Variants in RAD54B observed in about 807,000 individuals in gnomAD.
RAD54B encodes DNA repair and recombination protein RAD54B.
A neutral mutation model predicts 95.8 loss-of-function variants in RAD54B; 78 were observed. The observed-to-expected ratio is 0.81, with a 90% CI of 0.68 to 0.98. The LOEUF (loss-of-function observed/expected upper bound fraction) is 0.98, where lower values mean the gene tolerates loss of function less well. RAD54B is among the 50% of genes least tolerant of loss of function. The probability of loss-of-function intolerance (pLI) is 0.00; values close to 1 mark genes in which losing one functional copy is unlikely to be tolerated. For missense variants in RAD54B, 957 were observed against 1,056.6 expected (o/e 0.91, Z 1.31); for synonymous variants, 328 against 354.9 (o/e 0.92, Z 0.85).
At chr8:94,449,409 A>G (rs1268419258) in intron 3 of RAD54B, among the ~76,000 whole-genome samples, 1 of 152,018 alleles carries the variant, frequency 6.6e-6, no homozygotes, top group East Asian at 1.9e-4. Context: ...GGAGTTCAAG[A>G]CCAGCTGGCC....
At chr8:94,397,630 T>C (rs1811179012) in intron 8 of RAD54B, among the ~76,000 whole-genome samples, 1 of 152,164 alleles carries the variant, frequency 6.6e-6, no homozygotes, top group African/African-American at 2.4e-5. Flanking sequence ...TAAAATTATA[T>C]ATTTTTGCTA....
chr8:94,461,250 G>A (rs1812896299), intron 2 of RAD54B, among the ~76,000 whole-genome samples: 1 of 125,522 alleles, frequency 8.0e-6, no homozygotes, highest in Non-Finnish European at 1.5e-5. Flanking sequence ...TCGGCTCACT[G>A]CAACCTCCGC....
intron 4 of RAD54B, among the ~76,000 whole-genome samples, chr8:94,410,047 T>C (rs539173941): frequency 6.6e-6 from 1 of 152,344 alleles, no homozygotes; most frequent in South Asian, 2.1e-4. Context: ...TTAGTTTGCT[T>C]CAACTCTTAA....
chr8:94,449,688 G>A (rs1812610387), intron 3 of RAD54B, among the ~76,000 whole-genome samples: 1 of 151,970 alleles, frequency 6.6e-6, no homozygotes, highest in African/African-American at 2.4e-5. Context: ...AATAGCCCTG[G>A]ATAACACCTC....
intron 3 of RAD54B, among the ~76,000 whole-genome samples, chr8:94,417,029 T>C (rs1201423970): frequency 6.6e-6 from 1 of 152,192 alleles, no homozygotes; most frequent in African/African-American, 2.4e-5. Flanking sequence ...GGCATATGCA[T>C]ACAATGGAAT....
chr8:94,442,528 T>A (rs1394448369), intron 3 of RAD54B, among the ~76,000 whole-genome samples: 3 of 144,190 alleles, frequency 2.1e-5, no homozygotes, highest in African/African-American at 7.8e-5. Context: ...TGAGCCGAGA[T>A]CGCGCCACCG....
rs1475811209 is a variant in RAD54B at position 94,420,803 on chromosome 8, GGT to G, written c.305-9490_305-9489del. On this transcript the variant is annotated intron_variant, in intron 3 of 14. Transcript: ENST00000336148. ...AGTTCGAGACAAGCTTGGCCAACAT[GGT>G]GAAACCCCGTCTCTACTAAAAATAC... Among the ~76,000 whole-genome samples, 8 of 151,862 alleles carry G rather than the reference GGT, an allele frequency of 5.3e-5. No homozygotes were observed. In the East Asian group the frequency reaches 1.2e-3, roughly 22 times the overall value.
At chr8:94,413,155 A>G (rs945744749) in intron 3 of RAD54B, among the ~76,000 whole-genome samples, 3 of 152,328 alleles carry the variant, frequency 2.0e-5, no homozygotes, top group Admixed American at 6.5e-5. Context: ...CGATCAATAT[A>G]TTTAACACAA....
chr8:94,391,901 T>C lies in RAD54B; in HGVS notation c.1519-2A>G, dbSNP rs899335248. 11 of 1,591,060 alleles carry C rather than the reference T, an allele frequency of 6.9e-6. No individual in the cohort carries two copies. Among genetic ancestry groups the C allele is most frequent in the South Asian group, 1.2e-5 (1 of 86,144 alleles). ...TCTTTCTCCTAACTCCTTTTCTTCC[T>C]ATGGAAAAATAGCAGACTTAAATGA... On this transcript the variant is annotated splice_acceptor_variant, in intron 9 of 14. Transcript: ENST00000336148. LOFTEE classifies it high-confidence loss of function.
intron 3 of RAD54B, among the ~76,000 whole-genome samples, chr8:94,416,684 C>T (rs1043766804): frequency 2.0e-5 from 3 of 151,944 alleles, no homozygotes; most frequent in African/African-American, 7.3e-5. Context: ...ACCTGAAATA[C>T]CACTTCACAA....
intron 11 of RAD54B, among the ~76,000 whole-genome samples, chr8:94,382,724 C>T (rs1810775006): frequency 6.6e-6 from 1 of 152,120 alleles, no homozygotes; most frequent in South Asian, 2.1e-4. Flanking sequence ...GGGCGGTTTC[C>T]TGCATGCTGT....
At chr8:94,414,672 A>G (rs187646822) in intron 3 of RAD54B, among the ~76,000 whole-genome samples, 2 of 152,296 alleles carry the variant, frequency 1.3e-5, no homozygotes, top group African/African-American at 4.8e-5. Context: ...GCAAAGTCTC[A>G]GGATACAAAA....
intron 6 of RAD54B, among the ~76,000 whole-genome samples, chr8:94,401,252 G>A (rs1286840285): frequency 2.6e-5 from 4 of 151,972 alleles, no homozygotes; most frequent in East Asian, 1.9e-4. Flanking sequence ...TTATAAATGA[G>A]TGTGCCTACC....
chr8:94,375,577 C>T (rs6991077), intron 14 of RAD54B, among the ~76,000 whole-genome samples: 61,261 of 151,830 alleles, frequency 0.4, 12,494 homozygotes, highest in Admixed American at 0.51. Flanking sequence ...TTTTGTAAAT[C>T]GCCCAGTCTC....
chr8:94,432,872 TA>T (rs1273659831), intron 3 of RAD54B, among the ~76,000 whole-genome samples: 1 of 152,116 alleles, frequency 6.6e-6, no homozygotes, highest in Admixed American at 6.6e-5. Flanking sequence ...TCCTTAACTT[TA>T]AAATTGTGCT....
At chr8:94,382,831 GA>G (rs1408990631) in intron 11 of RAD54B, among the ~76,000 whole-genome samples, 1 of 152,210 alleles carries the variant, frequency 6.6e-6, no homozygotes, top group African/African-American at 2.4e-5. Context: ...ACTCTGTGAA[GA>G]AGGTCTTTGC....
chr8:94,404,261 A>C, intron 5 of RAD54B, 22 bp from the exon 6 acceptor site: 1 of 1,545,262 alleles, frequency 6.5e-7, no homozygotes, highest in South Asian at 1.2e-5. Context: ...ATAAAAGTAC[A>C]AGTATTGTAA....
Position 94,380,367 on chromosome 8 carries a change from A to G in RAD54B, c.2025T>C (p.Ile675=). Residue 675 remains isoleucine, a synonymous_variant, in exon 12 of 15, where the codon ATT becomes ATC. Coordinates refer to ENST00000336148, the MANE Select transcript of RAD54B (RefSeq NM_012415.3). ...LVSNYTQTLN[I]LQEVCKRHGY... is the part of the protein sequence containing the mutation. The stretch of plus-strand genomic sequence containing the variant: ...CATGACGCTTACATACTTCTTGTAA[A>G]ATGTTCAAGGTTTGTGTATAGTTGG... 6.2e-7 allele frequency: 1 copy of G among 1,613,786 alleles called. No homozygotes were observed. The highest frequency in any genetic ancestry group is 8.5e-7 in the Non-Finnish European group (1 of 1,179,804).
intron 10 of RAD54B, among the ~76,000 whole-genome samples, chr8:94,390,298 G>A (rs1321499128): frequency 4.7e-5 from 7 of 150,084 alleles, no homozygotes; most frequent in Non-Finnish European, 1.0e-4. Context: ...TCAGGAGTTC[G>A]AGACCAGCCT....
Sources: gnomAD v4.1 joint callset for allele counts (sites outside exome capture counted in the v4.1 genomes callset) on GRCh38, gnomAD v4.1.1 for gene constraint, MANE v1.5 for transcripts, NCBI Gene and HGNC (gene_info 2026-07-23, HGNC 2026-07-21) for gene names.